The following HIF1A variants were observed in gnomAD, a reference collection of about 807,000 sequenced individuals.
HIF1A encodes hypoxia-inducible factor 1-alpha.
A neutral mutation model predicts 92.7 loss-of-function variants in HIF1A; 24 were observed. The observed-to-expected ratio is 0.26, with a 90% CI of 0.19 to 0.36. The LOEUF (loss-of-function observed/expected upper bound fraction) is 0.36. Ranked by LOEUF, HIF1A falls within the 10% of genes least tolerant of loss-of-function variation. HIF1A has a pLI of 1.00. For synonymous variants in HIF1A, 319 were observed against 338.7 expected (o/e 0.94, Z 0.64); for missense variants, 799 against 998.5 (o/e 0.80, Z 2.69).
intron 6 of HIF1A, among the ~76,000 whole-genome samples, 200 bp downstream of exon 6, chr14:61,727,855 C>A (rs1426607834): frequency 1.3e-5 from 2 of 151,874 alleles, no homozygotes; most frequent in East Asian, 3.9e-4. Flanking sequence ...TGTGGTGAAA[C>A]CCCATCTCTA....
intron 1 of HIF1A, among the ~76,000 whole-genome samples, chr14:61,710,386 C>T (rs1003217963): frequency 3.3e-5 from 5 of 152,002 alleles, no homozygotes; most frequent in African/African-American, 9.7e-5. Flanking sequence ...TTTATTGCAC[C>T]GTGTCCTGTT....
intron 1 of HIF1A, among the ~76,000 whole-genome samples, chr14:61,696,061 T>C (rs1266077505): frequency 6.6e-6 from 1 of 152,008 alleles, no homozygotes; most frequent in Non-Finnish European, 1.5e-5. Flanking sequence ...GCCTCGAAAG[T>C]GCTTTCAGGG....
intron 1 of HIF1A, among the ~76,000 whole-genome samples, chr14:61,717,631 T>C (rs1003377531): frequency 1.7e-4 from 26 of 152,314 alleles, no homozygotes; most frequent in Non-Finnish European, 2.4e-4. Context: ...TCTTAGACAC[T>C]TATTGCCACT....
chr14:61,697,597 C>T, intron 1 of HIF1A: 9 of 782,286 alleles, frequency 1.2e-5, no homozygotes, highest in Non-Finnish European at 1.5e-5. Context: ...TTCCTCAGCC[C>T]ATCTGTTACT....
chr14:61,747,082 C>A lies in HIF1A; in HGVS notation c.2478C>A (p.Asn826Lys). 6.2e-7 allele frequency: 1 copy of A among 1,602,642 alleles called. No homozygotes were observed. The highest frequency in any genetic ancestry group is 8.5e-7 in the Non-Finnish European group (1 of 1,176,962). ...TACTCAGAGCTTTGGATCAAGTTAACTGAGCTTTTTCTTAATTTCATTCCT... is the reference window on the plus strand; with the variant it reads ...TACTCAGAGCTTTGGATCAAGTTAAATGAGCTTTTTCTTAATTTCATTCCT... ...EELLRALDQV[N>K] The change falls in exon 15 of 15, where the codon AAC becomes AAA. Residue 826 changes from asparagine (N) to lysine (K), a missense_variant. This residue lies in a region of HIF1A where 283 missense variants were observed against 277.5 expected (regional missense o/e 1.02). Transcript: ENST00000337138.
chr14:61,713,450 G>A (rs2044329197), intron 1 of HIF1A, among the ~76,000 whole-genome samples: 1 of 152,160 alleles, frequency 6.6e-6, no homozygotes, highest in African/African-American at 2.4e-5. Context: ...CAAATTCCCA[G>A]TGAGGCCTAG....
In HIF1A at chr14:61,747,352, C is replaced by A; in HGVS notation, c.*267C>A. 3.9e-6 allele frequency: 1 copy of A among 253,976 alleles called. No homozygotes were observed. The highest frequency in any genetic ancestry group is 7.4e-6 in the Non-Finnish European group (1 of 135,192). 15.7% of individuals were successfully genotyped at this position (253,976 alleles called of 1,614,324 possible). On this transcript the variant is annotated 3_prime_UTR_variant, in exon 15 of 15. Transcript: ENST00000337138. ...AGTAGCATCATTTTAAAAAATGCAC[C>A]TTTTTATTTATTTATTTTTGGCTAG...
chr14:61,706,900 A>G (rs529782486), intron 1 of HIF1A, among the ~76,000 whole-genome samples: 3 of 152,258 alleles, frequency 2.0e-5, no homozygotes, highest in South Asian at 2.1e-4. Flanking sequence ...TATTTGGGGG[A>G]AAAAAGTTCT....
intron 14 of HIF1A, 71 bp downstream of exon 14, chr14:61,745,888 T>A: frequency 7.5e-7 from 1 of 1,333,994 alleles, no homozygotes; most frequent in Non-Finnish European, 1.1e-6. Flanking sequence ...TTAGGAGCTT[T>A]AATCTAAGTG....
intron 1 of HIF1A, among the ~76,000 whole-genome samples, chr14:61,719,043 GTGCT>G (rs2044396281): frequency 6.6e-6 from 1 of 152,204 alleles, no homozygotes. Flanking sequence ...GCTGAGAACT[GTGCT>G]TGTTACTCCA....
At chr14:61,743,409 A>G (rs1043015016) in intron 12 of HIF1A, among the ~76,000 whole-genome samples, 6 of 152,170 alleles carry the variant, frequency 3.9e-5, no homozygotes, top group Non-Finnish European at 7.3e-5. Context: ...TGTAGTGTAC[A>G]CTGAAAACTT....
At chr14:61,727,050 G>A (rs2044514757) in intron 5 of HIF1A, among the ~76,000 whole-genome samples, 1 of 152,176 alleles carries the variant, frequency 6.6e-6, no homozygotes, top group Non-Finnish European at 1.5e-5. Context: ...TGGTGTTCCA[G>A]GCTTAATCAG....
At chr14:61,703,304 T>C (rs529100765) in intron 1 of HIF1A, among the ~76,000 whole-genome samples, 2 of 152,224 alleles carry the variant, frequency 1.3e-5, no homozygotes, top group African/African-American at 4.8e-5. Flanking sequence ...ATTAAAGTTT[T>C]AAATTTGGAA....
At chr14:61,723,854 T>A (rs2044464451) in intron 4 of HIF1A, among the ~76,000 whole-genome samples, 1 of 152,234 alleles carries the variant, frequency 6.6e-6, no homozygotes, top group African/African-American at 2.4e-5. Flanking sequence ...ACAAACATTT[T>A]GAAATCATTA....
intron 8 of HIF1A, 65 bp from the exon 9 acceptor site, chr14:61,736,824 G>T: frequency 8.9e-7 from 1 of 1,126,120 alleles, no homozygotes; most frequent in Non-Finnish European, 1.3e-6. Context: ...CCATTTCACA[G>T]TCTCCCTTCC....
chr14:61,729,233 G>T (rs1001376672), intron 6 of HIF1A, among the ~76,000 whole-genome samples: 2 of 152,080 alleles, frequency 1.3e-5, no homozygotes, highest in Non-Finnish European at 2.9e-5. Context: ...AGGCCGAGGT[G>T]GGTGGATCAC....
At chr14:61,726,842 G>C (rs2044511211) in intron 5 of HIF1A, 24 bp downstream of exon 5, 1 of 1,300,406 alleles carries the variant, frequency 7.7e-7, no homozygotes, top group African/African-American at 1.5e-5. Context: ...ATTTGTGATT[G>C]ATTATACACT....
At position 61,737,967 on chromosome 14, in the gene HIF1A, C is replaced by T; in HGVS notation, c.1250-120C>T. On this transcript the variant is annotated intron_variant, in intron 9 of 14. Coordinates refer to ENST00000337138, the MANE Select transcript of HIF1A (RefSeq NM_001530.4). Reference sequence around the variant, plus strand: ...GCTTGAACCTGGGAGGCAGAGGTTGCAGTGAGCCAAGATTGCGCCATTGCA... The same window carrying T: ...GCTTGAACCTGGGAGGCAGAGGTTGTAGTGAGCCAAGATTGCGCCATTGCA... The T allele has an allele frequency of 5.7e-6, 4 of 705,526 alleles. No homozygotes were observed. In the South Asian group the frequency reaches 6.3e-5, roughly 11 times the overall value. 43.7% of individuals were successfully genotyped at this position (705,526 alleles called of 1,614,324 possible). A position where few individuals can be genotyped will look rare whatever the true frequency, so the allele number is the denominator to read the frequency against.
intron 1 of HIF1A, among the ~76,000 whole-genome samples, chr14:61,699,164 A>G (rs570012082): frequency 2.6e-5 from 4 of 152,248 alleles, no homozygotes; most frequent in African/African-American, 9.6e-5. Context: ...TTGTGGCTCA[A>G]TTTGTATGAA....
Sources: gnomAD v4.1 joint callset for allele counts (sites outside exome capture counted in the v4.1 genomes callset) on GRCh38, gnomAD v4.1.1 for gene constraint, gnomAD v4.1.1 regional missense constraint, MANE v1.5 for transcripts, NCBI Gene and HGNC (gene_info 2026-07-23, HGNC 2026-07-21) for gene names.